The following PRH1 variants were observed in gnomAD, a reference collection of about 807,000 sequenced individuals.
PRH1 encodes the protein proline rich protein HaeIII subfamily 1, also known as salivary acidic proline-rich phosphoprotein 1/2.
Under a neutral mutation model 7.9 loss-of-function variants are expected in PRH1, and 7 were observed. That is an observed-to-expected ratio of 0.89 (90% CI 0.50 to 1.67). PRH1 has a LOEUF of 1.67. Ranked by LOEUF, PRH1 falls within the 40% of genes most tolerant of loss-of-function variation. PRH1 has a pLI of 0.00. For missense variants in PRH1, 109 were observed against 223.6 expected (o/e 0.49, Z 3.27); for synonymous variants, 45 against 80.8 (o/e 0.56, Z 2.38).
chr12:11,030,888 T>G, intron 1 of PRH1: 2 of 1,614,220 alleles, frequency 1.2e-6, no homozygotes, highest in Non-Finnish European at 1.7e-6. Flanking sequence ...ACAATCTCTT[T>G]CATGTTTATC....
chr12:11,004,581 A>C (rs925340477), intron 1 of PRH1, among the ~76,000 whole-genome samples: 1 of 152,142 alleles, frequency 6.6e-6, no homozygotes, highest in African/African-American at 2.4e-5. Flanking sequence ...CTTTAGTTGA[A>C]AAATTACATC....
intron 1 of PRH1, chr12:11,166,458 T>C (rs1424820190): frequency 6.6e-6 from 1 of 152,254 alleles, no homozygotes; most frequent in Non-Finnish European, 1.5e-5. Context: ...ACCCCACTCC[T>C]TGTGCCAATC....
chr12:11,056,902 T>C (rs1357363842), intron 1 of PRH1, among the ~76,000 whole-genome samples: 4 of 152,298 alleles, frequency 2.6e-5, no homozygotes, highest in Non-Finnish European at 5.9e-5. Flanking sequence ...TTTGTATAAC[T>C]GCTTTCCATT....
chr12:10,903,057 C>G (rs888680320), intron 2 of PRH1, among the ~76,000 whole-genome samples: 5 of 152,120 alleles, frequency 3.3e-5, no homozygotes, highest in African/African-American at 1.2e-4. Flanking sequence ...TTAAAAGTCA[C>G]AGAGTGACAA....
Position 11,084,913 on chromosome 12 carries a change from C to T in PRH1, n.124-37725G>A, listed in dbSNP as rs566249970. On this transcript the variant is annotated intron_variant and non_coding_transcript_variant, in intron 1 of 4. Transcript: ENST00000541977. ...CTGCAAGCTCTGCCTCCCAGAATCA[C>T]GCCATTCTCCTGCATCAGCCTCCTG... Among the ~76,000 whole-genome samples, 40 of 113,056 alleles carry T rather than the reference C, an allele frequency of 3.5e-4. 15 individuals are homozygous for T. Among genetic ancestry groups the T allele is most frequent in the Non-Finnish European group, 5.4e-4 (26 of 48,186 alleles). The allele number at this position is 113,056 out of a possible 152,430, so 74.2% of individuals were successfully genotyped here. A position where few individuals can be genotyped will look rare whatever the true frequency, so the allele number is the denominator to read the frequency against.
intron 2 of PRH1, among the ~76,000 whole-genome samples, chr12:10,927,363 T>C (rs1268114006): frequency 1.3e-5 from 2 of 152,154 alleles, no homozygotes; most frequent in African/African-American, 4.8e-5. Context: ...GAAAACAGTA[T>C]CTGGTGAAAC....
chr12:10,937,234 G>C lies in PRH1; in HGVS notation c.-59+36421C>G, dbSNP rs762642208. ...TCTCTCTCTCTCTCTCTCTCTCTCTGTGTGTGTGTGTGCGTGCGTGTGTAT... is the reference window on the plus strand; with the variant it reads ...TCTCTCTCTCTCTCTCTCTCTCTCTCTGTGTGTGTGTGCGTGCGTGTGTAT... On this transcript the variant is annotated intron_variant, in intron 2 of 3. Transcript: ENST00000539853. Among the ~76,000 whole-genome samples the C allele has an allele frequency of 8.1e-4, 119 of 146,262 alleles. 1 individual carries two copies. Among genetic ancestry groups the C allele is most frequent in the Non-Finnish European group, 1.1e-3 (77 of 67,290 alleles).
intron 2 of PRH1, among the ~76,000 whole-genome samples, chr12:10,916,869 A>G (rs1358848848): frequency 6.6e-6 from 1 of 151,992 alleles, no homozygotes; most frequent in Non-Finnish European, 1.5e-5. Flanking sequence ...ACAACATAAA[A>G]AGACCACCTC....
At chr12:11,157,956 T>C (rs528181212) in intron 1 of PRH1, among the ~76,000 whole-genome samples, 1 of 152,298 alleles carries the variant, frequency 6.6e-6, no homozygotes, top group East Asian at 1.9e-4. Context: ...TTCTTCCCTA[T>C]GGCCTTATCA....
chr12:10,988,007 T>C (rs1278804630), intron 1 of PRH1, among the ~76,000 whole-genome samples: 2 of 152,108 alleles, frequency 1.3e-5, no homozygotes, highest in Admixed American at 6.5e-5. Flanking sequence ...CTCTTTTCCA[T>C]TGATCATGAG....
intron 2 of PRH1, among the ~76,000 whole-genome samples, chr12:10,953,908 G>A (rs1275751888): frequency 6.6e-6 from 1 of 152,154 alleles, no homozygotes; most frequent in East Asian, 1.9e-4. Context: ...AGCTAACAGT[G>A]GACCTGTTAG....
chr12:11,127,845 G>A (rs1335746600), intron 1 of PRH1, among the ~76,000 whole-genome samples: 6 of 127,284 alleles, frequency 4.7e-5, no homozygotes, highest in Non-Finnish European at 1.1e-4. Context: ...GGTGGCTCAC[G>A]CCTGTAATCC....
chr12:11,057,410 C>T (rs77995910), intron 1 of PRH1, among the ~76,000 whole-genome samples: 1 of 150,690 alleles, frequency 6.6e-6, no homozygotes, highest in Non-Finnish European at 1.5e-5. Context: ...TGTAATTGAA[C>T]TGGATACGTA....
chr12:11,042,283 T>C (rs905881449), intron 1 of PRH1, among the ~76,000 whole-genome samples: 1 of 151,842 alleles, frequency 6.6e-6, no homozygotes, highest in Non-Finnish European at 1.5e-5. Flanking sequence ...AATGGAGATA[T>C]TACAACTGAT....
Position 11,088,027 on chromosome 12 carries a change from T to C in PRH1, n.124-40839A>G, listed in dbSNP as rs186538564. ...AGTTTAATTTACATTTTTTAAAACA[T>C]CGTGATTATTTAATATATTAATAAT... On this transcript the variant is annotated intron_variant and non_coding_transcript_variant, in intron 1 of 4. Coordinates refer to the PRH1 transcript ENST00000541977. Among the ~76,000 whole-genome samples the C allele has an allele frequency of 1.2e-3, 144 of 122,778 alleles. 6 individuals carry two copies. Among genetic ancestry groups the C allele is most frequent in the South Asian group, 6.0e-3 (27 of 4,474 alleles). The allele number at this position is 122,778 out of a possible 152,430, so 80.5% of individuals were successfully genotyped here.
chr12:11,163,965 GCACTTAGGTAT>G (rs1480356313), intron 1 of PRH1, among the ~76,000 whole-genome samples: 2 of 152,108 alleles, frequency 1.3e-5, no homozygotes, highest in Non-Finnish European at 2.9e-5. Context: ...ATCTAGACTG[GCACTTAGGTAT>G]CTACAGACTA....
intron 1 of PRH1, among the ~76,000 whole-genome samples, chr12:11,085,070 T>C (rs548637910): frequency 9.1e-6 from 1 of 109,692 alleles, no homozygotes; most frequent in East Asian, 2.2e-4. Flanking sequence ...TCCACCCACC[T>C]TGGCCTCCCG....
intron 1 of PRH1, among the ~76,000 whole-genome samples, chr12:11,014,240 C>T (rs1464151844): frequency 3.1e-5 from 4 of 128,084 alleles, no homozygotes; most frequent in African/African-American, 1.1e-4. Flanking sequence ...GAATTGAGAC[C>T]TTGGGCAGTC....
chr12:10,995,962 AT>A (rs1940205334), intron 1 of PRH1, among the ~76,000 whole-genome samples: 1 of 151,984 alleles, frequency 6.6e-6, no homozygotes. Flanking sequence ...CACTAGATAT[AT>A]TTTTCACCCT....
Sources: allele counts gnomAD v4.1 joint callset (sites outside exome capture counted in the v4.1 genomes callset), GRCh38; gene constraint gnomAD v4.1.1; transcripts MANE v1.5; gene names NCBI Gene and HGNC (gene_info 2026-07-23, HGNC 2026-07-21).